The following ALOX5AP variants were observed in gnomAD, a reference collection of about 807,000 sequenced individuals.
ALOX5AP encodes the protein arachidonate 5-lipoxygenase-activating protein.
ALOX5AP carries 9 observed loss-of-function variants against 18.5 expected under a neutral mutation model. The ratio of observed to expected loss-of-function variants is 0.49; its 90% CI spans 0.29 to 0.85. The LOEUF is 0.85. ALOX5AP is among the 40% of genes least tolerant of loss of function. The pLI is 0.08. For missense variants in ALOX5AP, 172 were observed against 202.5 expected, an observed-to-expected ratio of 0.85 and a Z score of 0.91; for synonymous variants, 81 against 78.6, an observed-to-expected ratio of 1.03 and a Z score of -0.16.
chr13:30,743,843 C>T (rs1951786758), intron 1 of ALOX5AP, among the ~76,000 whole-genome samples: 1 of 152,056 alleles, frequency 6.6e-6, no homozygotes, highest in Admixed American at 6.6e-5. Flanking sequence ...AAAGTGGGGG[C>T]CGTGCCTTGC....
At chr13:30,715,783 T>A (rs1455155970) in intron 1 of ALOX5AP, among the ~76,000 whole-genome samples, 2 of 149,512 alleles carry the variant, frequency 1.3e-5, no homozygotes, top group Admixed American at 1.3e-4. Context: ...GCTTCTGGTT[T>A]TTTTTCTTTC....
intron 2 of ALOX5AP, among the ~76,000 whole-genome samples, chr13:30,751,149 C>G (rs553385625): frequency 6.6e-6 from 1 of 152,116 alleles, no homozygotes. Flanking sequence ...CTGCAACCTC[C>G]GCCTCCCAGG....
At chr13:30,747,836 G>A (rs1352091253) in intron 2 of ALOX5AP, among the ~76,000 whole-genome samples, 1 of 152,010 alleles carries the variant, frequency 6.6e-6, no homozygotes, top group Non-Finnish European at 1.5e-5. Flanking sequence ...ATCAAAACAT[G>A]TTTTTGGAAT....
chr13:30,725,170 A>C (rs1238377506), intron 1 of ALOX5AP, among the ~76,000 whole-genome samples: 1 of 152,228 alleles, frequency 6.6e-6, no homozygotes, highest in Non-Finnish European at 1.5e-5. Context: ...ACACAAAATC[A>C]CAGAGAGTGG....
chr13:30,744,788 T>C (rs1951796390), intron 2 of ALOX5AP, among the ~76,000 whole-genome samples: 1 of 152,218 alleles, frequency 6.6e-6, no homozygotes, highest in South Asian at 2.1e-4. Context: ...GAATGAATGT[T>C]ATTCAAATGC....
upstream of ALOX5AP, among the ~76,000 whole-genome samples, chr13:30,731,566 G>A (rs945637210): frequency 2.6e-5 from 4 of 152,086 alleles, no homozygotes; most frequent in Admixed American, 2.0e-4. Context: ...TGGGGGTCTT[G>A]CTATGTTGCC....
intron 1 of ALOX5AP, among the ~76,000 whole-genome samples, chr13:30,737,194 G>A (rs1951728561): frequency 6.6e-6 from 1 of 152,192 alleles, no homozygotes; most frequent in African/African-American, 2.4e-5. Flanking sequence ...GTGCAGTTGG[G>A]GCTGAACCCA....
At position 30,724,359 on chromosome 13, in the gene ALOX5AP, T is replaced by A. The variant is rs544197735; in HGVS notation, c.116+10518T>A. Among the ~76,000 whole-genome samples, 9 of 152,362 alleles carry A rather than the reference T, an allele frequency of 5.9e-5. 1 individual carries two copies. In the South Asian group the frequency reaches 1.9e-3, roughly 32 times the overall value. On this transcript the variant is annotated intron_variant, in intron 1 of 5. Transcript: ENST00000617770. The stretch of plus-strand genomic sequence containing the variant: ...ACTGCCTGATGGGCATTTGGTTGTT[T>A]CCAGCTTTGAACTATTTTGAATCCT...
At chr13:30,719,708 A>G (rs1230760066) in intron 1 of ALOX5AP, among the ~76,000 whole-genome samples, 1 of 152,186 alleles carries the variant, frequency 6.6e-6, no homozygotes, top group Non-Finnish European at 1.5e-5. Context: ...GAGAAGTGAG[A>G]CGATGGACAA....
At chr13:30,733,416 G>A (rs578040035), upstream of ALOX5AP, among the ~76,000 whole-genome samples, 2 of 152,286 alleles carry the variant, frequency 1.3e-5, no homozygotes, top group East Asian at 1.9e-4. Context: ...AAGAGCTAAC[G>A]CTTTATGGGG....
intron 1 of ALOX5AP, chr13:30,713,976 A>G: frequency 1.1e-6 from 1 of 923,172 alleles, no homozygotes; most frequent in Admixed American, 2.8e-5. Flanking sequence ...TTGGGCAGCT[A>G]GAGTGGCCCC....
At chr13:30,763,046 G>A (rs1336290487) in intron 4 of ALOX5AP, among the ~76,000 whole-genome samples, 12 of 152,170 alleles carry the variant, frequency 7.9e-5, no homozygotes, top group Admixed American at 7.9e-4. Context: ...GGTGGTTTAC[G>A]CCTATAATCC....
chr13:30,720,736 C>G (rs1299414816), intron 1 of ALOX5AP, among the ~76,000 whole-genome samples: 1 of 152,194 alleles, frequency 6.6e-6, no homozygotes, highest in East Asian at 1.9e-4. Flanking sequence ...GGGGAAGGAA[C>G]TTAACTTTTG....
intron 2 of ALOX5AP, among the ~76,000 whole-genome samples, chr13:30,746,306 C>T (rs1464165615): frequency 6.6e-6 from 1 of 152,164 alleles, no homozygotes; most frequent in South Asian, 2.1e-4. Context: ...GCTCTCAAAA[C>T]CCATGGGTCT....
chr13:30,721,160 C>T (rs1010543347), intron 1 of ALOX5AP, among the ~76,000 whole-genome samples: 1 of 152,218 alleles, frequency 6.6e-6, no homozygotes, highest in Non-Finnish European at 1.5e-5. Context: ...TCTTCTTTAT[C>T]AGGAGGCCAT....
At chr13:30,716,983 C>T (rs1951555575) in intron 1 of ALOX5AP, among the ~76,000 whole-genome samples, 1 of 152,162 alleles carries the variant, frequency 6.6e-6, no homozygotes, top group Admixed American at 6.5e-5. Flanking sequence ...AGGGAGTGTT[C>T]CCCACCAGGG....
chr13:30,752,686 C>A (rs1951862307), intron 3 of ALOX5AP, among the ~76,000 whole-genome samples: 1 of 152,194 alleles, frequency 6.6e-6, no homozygotes, highest in South Asian at 2.1e-4. Flanking sequence ...CTTTCGGGGC[C>A]ACGCCTGGCA....
chr13:30,758,068 C>G (rs1951910832), intron 4 of ALOX5AP, among the ~76,000 whole-genome samples: 1 of 152,140 alleles, frequency 6.6e-6, no homozygotes, highest in South Asian at 2.1e-4. Context: ...GAGACCAAAC[C>G]TGGCCTCGGA....
At chr13:30,750,371 C>G (rs1390875773) in intron 2 of ALOX5AP, among the ~76,000 whole-genome samples, 1 of 152,168 alleles carries the variant, frequency 6.6e-6, no homozygotes, top group Non-Finnish European at 1.5e-5. Context: ...ATTTATTTCC[C>G]TCCCTTTTTA....
Sources: allele counts gnomAD v4.1 joint callset (sites outside exome capture counted in the v4.1 genomes callset), GRCh38; gene constraint gnomAD v4.1.1; transcripts MANE v1.5; gene names NCBI Gene and HGNC (gene_info 2026-07-23, HGNC 2026-07-21).